Variants in TAFA2 observed in about 807,000 individuals in gnomAD.
The protein encoded by TAFA2 is TAFA chemokine like family member 2.
In TAFA2, 7 loss-of-function variants were observed where a neutral mutation model predicts 18.8. The observed-to-expected ratio is 0.37, with a 90% confidence interval of 0.21 to 0.70. The LOEUF (loss-of-function observed/expected upper bound fraction) is 0.70. Among genes scored for constraint, TAFA2 ranks in the 30% least tolerant of loss-of-function variants. The pLI is 0.53. For missense variants in TAFA2, 122 were observed against 158.1 expected, an observed-to-expected ratio of 0.77 and a Z score of 1.23; for synonymous variants, 60 against 54.2, an observed-to-expected ratio of 1.11 and a Z score of -0.47.
intron 1 of TAFA2, among the ~76,000 whole-genome samples, chr12:61,952,373 A>G (rs1158109196): frequency 6.6e-6 from 1 of 152,180 alleles, no homozygotes; most frequent in Non-Finnish European, 1.5e-5. Flanking sequence ...CTGAAGGTTT[A>G]TATCAAACTT....
intron 4 of TAFA2, among the ~76,000 whole-genome samples, chr12:61,726,052 G>A (rs61940884): frequency 0.023 from 3,525 of 151,014 alleles, 67 homozygotes; most frequent in Middle Eastern, 0.042. Context: ...CAAGTCACAC[G>A]TGGGGAAATA....
chr12:61,720,009 C>T (rs982276408), intron 4 of TAFA2, among the ~76,000 whole-genome samples: 6 of 151,778 alleles, frequency 4.0e-5, no homozygotes, highest in East Asian at 1.9e-4. Context: ...ACACAGATGG[C>T]GATGTTTAAC....
chr12:61,745,679 A>G (rs1345145922), intron 4 of TAFA2, among the ~76,000 whole-genome samples: 2 of 152,032 alleles, frequency 1.3e-5, no homozygotes, highest in African/African-American at 4.8e-5. Flanking sequence ...TACTCCCGAG[A>G]TTTTCATCCC....
intron 1 of TAFA2, among the ~76,000 whole-genome samples, chr12:62,186,722 C>A (rs547794941): frequency 2.6e-5 from 4 of 152,120 alleles, no homozygotes; most frequent in African/African-American, 4.8e-5. Flanking sequence ...ATTAAAAGGA[C>A]TTTATCTAAT....
chr12:61,856,383 T>C (rs1037154731), intron 2 of TAFA2, among the ~76,000 whole-genome samples: 17 of 151,994 alleles, frequency 1.1e-4, no homozygotes, highest in African/African-American at 3.9e-4. Flanking sequence ...ATATTAATGG[T>C]CAATAAACCA....
At chr12:61,868,293 G>A (rs941165181) in intron 1 of TAFA2, among the ~76,000 whole-genome samples, 4 of 152,126 alleles carry the variant, frequency 2.6e-5, no homozygotes, top group Admixed American at 6.5e-5. Context: ...TAATGACAGA[G>A]TAAAAATACA....
At chr12:62,083,221 G>T (rs559354750) in intron 1 of TAFA2, among the ~76,000 whole-genome samples, 1 of 151,438 alleles carries the variant, frequency 6.6e-6, no homozygotes, top group Non-Finnish European at 1.5e-5. Flanking sequence ...TATAAATCTC[G>T]TATGACCTGA....
intron 1 of TAFA2, among the ~76,000 whole-genome samples, chr12:62,148,186 A>G (rs1447808274): frequency 9.2e-5 from 14 of 152,224 alleles, no homozygotes; most frequent in Admixed American, 9.2e-4. Context: ...TAAAATTACC[A>G]TTCAATCCAG....
At chr12:62,178,265 G>A (rs111670757) in intron 1 of TAFA2, among the ~76,000 whole-genome samples, 1,534 of 152,098 alleles carry the variant, frequency 0.01, 21 homozygotes, top group African/African-American at 0.03. Flanking sequence ...GTACCTCTGC[G>A]CTCCAGCCTG....
intron 4 of TAFA2, among the ~76,000 whole-genome samples, chr12:61,736,375 A>G (rs2120678129): frequency 6.6e-6 from 1 of 152,166 alleles, no homozygotes; most frequent in East Asian, 1.9e-4. Flanking sequence ...AAACTTAACG[A>G]TATCACCTGA....
At chr12:61,892,385 A>T (rs1314669021) in intron 1 of TAFA2, among the ~76,000 whole-genome samples, 1 of 152,190 alleles carries the variant, frequency 6.6e-6, no homozygotes, top group African/African-American at 2.4e-5. Context: ...CTTCTAGAGC[A>T]CATAGACACT....
At chr12:62,033,678 A>C (rs980868927) in intron 1 of TAFA2, among the ~76,000 whole-genome samples, 1 of 152,240 alleles carries the variant, frequency 6.6e-6, no homozygotes. Flanking sequence ...CCAACCCATA[A>C]ACATGTTATA....
intron 1 of TAFA2, among the ~76,000 whole-genome samples, chr12:62,040,247 C>T (rs1297139099): frequency 6.6e-6 from 1 of 152,008 alleles, no homozygotes; most frequent in Non-Finnish European, 1.5e-5. Context: ...GGGAGAAAGA[C>T]AAGACCCAAA....
At chr12:61,931,009 C>T (rs1299257417) in intron 1 of TAFA2, among the ~76,000 whole-genome samples, 1 of 152,130 alleles carries the variant, frequency 6.6e-6, no homozygotes, top group Non-Finnish European at 1.5e-5. Flanking sequence ...AAATAAATGA[C>T]TAGACAGACA....
chr12:62,104,402 C>A (rs962736534), intron 1 of TAFA2, among the ~76,000 whole-genome samples: 1 of 152,120 alleles, frequency 6.6e-6, no homozygotes, highest in Non-Finnish European at 1.5e-5. Flanking sequence ...AAGCATAGTA[C>A]AACTAAAGTC....
chr12:62,120,510 A>G (rs1031484796), intron 1 of TAFA2, among the ~76,000 whole-genome samples: 2 of 152,250 alleles, frequency 1.3e-5, no homozygotes, highest in Non-Finnish European at 2.9e-5. Flanking sequence ...TATTACTAAC[A>G]TATTTGATGA....
chr12:62,126,089 G>A lies in TAFA2; in HGVS notation c.-2+65170C>T, dbSNP rs75206223. On this transcript the variant is annotated intron_variant, in intron 1 of 4. Transcript: ENST00000416284. ...CTTAGTGTGGTTTAATGGATTATTC[G>A]CTATAAAATAATTTGAAATATAGCT... Among the ~76,000 whole-genome samples, 125 of 152,026 alleles carry A rather than the reference G, an allele frequency of 8.2e-4. 1 individual carries two copies. The highest frequency in any genetic ancestry group is 1.4e-3 in the East Asian group (7 of 5,164).
chr12:62,238,029 A>G (rs941890598), intron 1 of TAFA2, among the ~76,000 whole-genome samples: 1 of 152,196 alleles, frequency 6.6e-6, no homozygotes, highest in Non-Finnish European at 1.5e-5. Flanking sequence ...AGCTAGACTC[A>G]GGAGTTTTTC....
At chr12:62,081,819 T>C (rs968454888) in intron 1 of TAFA2, among the ~76,000 whole-genome samples, 1 of 152,136 alleles carries the variant, frequency 6.6e-6, no homozygotes, top group African/African-American at 2.4e-5. Context: ...GGAGTACATG[T>C]GCAGGATGTG....
Sources: allele counts gnomAD v4.1 joint callset (sites outside exome capture counted in the v4.1 genomes callset), GRCh38; gene constraint gnomAD v4.1.1; transcripts MANE v1.5; gene names NCBI Gene and HGNC (gene_info 2026-07-23, HGNC 2026-07-21).